The following NEB variants were observed in gnomAD, a reference collection of about 807,000 sequenced individuals.
NEB encodes the protein nebulin, also known as nemaline myopathy type 2.
Under a neutral mutation model 952.2 loss-of-function variants are expected in NEB, and 512 were observed. That is an observed-to-expected ratio of 0.54 (90% CI 0.50 to 0.58). NEB has a LOEUF of 0.58. Among genes scored for constraint, NEB ranks in the 20% least tolerant of loss-of-function variants. The pLI, the probability that NEB is intolerant of heterozygous loss-of-function variation, is 0.00. For missense variants in NEB, 8,428 were observed against 9,231.1 expected, an observed-to-expected ratio of 0.91 and a Z score of 3.56; for synonymous variants, 2,900 against 3,149.8, an observed-to-expected ratio of 0.92 and a Z score of 2.66.
intron 146 of NEB, among the ~76,000 whole-genome samples, chr2:151,528,819 A>G (rs2088411797): frequency 6.6e-6 from 1 of 152,202 alleles, no homozygotes; most frequent in Non-Finnish European, 1.5e-5. Flanking sequence ...CAAATGGCTC[A>G]ATGTTTTCTT....
At chr2:151,707,066 A>G in intron 12 of NEB, 69 bp from the exon 13 acceptor site, 1 of 928,418 alleles carries the variant, frequency 1.1e-6, no homozygotes. Flanking sequence ...TATTATGAAT[A>G]TGACATACTT....
intron 165 of NEB, among the ~76,000 whole-genome samples, chr2:151,504,566 C>T (rs1184286903): frequency 6.6e-6 from 1 of 152,168 alleles, no homozygotes; most frequent in Admixed American, 6.5e-5. Flanking sequence ...GAACAACCTG[C>T]AAGAGAAATA....
rs1559717111 is a variant in NEB, at chr2:151,730,615, T to TAA, written c.37-960_37-959insTT. The stretch of plus-strand genomic sequence containing the variant: ...ATGAAACACTTGGCTCATTTCTTAG[T>TAA]GAAAAAAAAAAAAAAAAAAAAAGGA... On this transcript the variant is annotated intron_variant, in intron 3 of 181. Coordinates refer to ENST00000397345, the MANE Select transcript of NEB (RefSeq NM_001164508.2). Among the ~76,000 whole-genome samples the TAA allele has an allele frequency of 9.9e-4, 73 of 73,540 alleles. 4 individuals carry two copies. Among genetic ancestry groups the TAA allele is most frequent in the Admixed American group, 4.6e-3 (25 of 5,490 alleles). The allele number at this position is 73,540 out of a possible 152,430, so 48.2% of individuals were successfully genotyped here. A position where few individuals can be genotyped will look rare whatever the true frequency, so the allele number is the denominator to read the frequency against.
At chr2:151,498,510 G>T (rs2061903414) in intron 169 of NEB, among the ~76,000 whole-genome samples, 158 bp from the exon 170 acceptor site, 1 of 152,138 alleles carries the variant, frequency 6.6e-6, no homozygotes. Context: ...TGAGCCTAAA[G>T]ACATCTTCAA....
At chr2:151,617,635 C>T (rs1182491690) in intron 74 of NEB, 167 bp from the exon 75 acceptor site, 1 of 520,900 alleles carries the variant, frequency 1.9e-6, no homozygotes, top group Non-Finnish European at 3.3e-6. Context: ...AAAATTCTTT[C>T]AATAATCTGT....
At chr2:151,692,521 G>A in intron 20 of NEB, 159 bp from the exon 21 acceptor site, 2 of 691,344 alleles carry the variant, frequency 2.9e-6, no homozygotes, top group Admixed American at 4.2e-5. Context: ...AGATGTGGTA[G>A]AGGCTCATGC....
chr2:151,487,726 C>T (rs756720674), intron 181 of NEB, among the ~76,000 whole-genome samples: 19 of 152,002 alleles, frequency 1.2e-4, no homozygotes, highest in Non-Finnish European at 2.2e-4. Flanking sequence ...AGTTTTAGGT[C>T]AAATGGCATG....
At position 151,492,299 on chromosome 2, in the gene NEB, T is replaced by C. The variant is rs777312993; in HGVS notation, c.24874-18A>G. 1.2e-6 allele frequency: 2 copies of C among 1,605,930 alleles called. No homozygotes were observed. The highest frequency in any genetic ancestry group is 1.7e-6 in the Non-Finnish European group (2 of 1,174,736). ...TATTTCACCTGAAATGTCATGAATT[T>C]GCTTTATGAAAATATGATGGTGTGA... On this transcript the variant is annotated intron_variant, in intron 177 of 181. Coordinates refer to ENST00000397345, the MANE Select transcript of NEB (RefSeq NM_001164508.2).
intron 83 of NEB, 47 bp from the exon 84 acceptor site, chr2:151,606,760 C>T (rs569805031): frequency 2.0e-6 from 1 of 493,642 alleles, no homozygotes; most frequent in Non-Finnish European, 3.6e-6. Flanking sequence ...GAAAAATAAG[C>T]AAATTTACTC....
In NEB at chr2:151,636,219, C is replaced by A; in HGVS notation, c.9102+8G>T. ...GATCACATACTCAGAATGGAATTGA[C>A]AACTCACGTCACTGATGATGTCCCT... On this transcript the variant is annotated splice_region_variant and intron_variant, in intron 64 of 181. Coordinates refer to ENST00000397345, the MANE Select transcript of NEB (RefSeq NM_001164508.2). 1 of 1,602,184 alleles carries A rather than the reference C, an allele frequency of 6.2e-7. No individual in the cohort carries two copies. Among genetic ancestry groups the A allele is most frequent in the Non-Finnish European group, 8.5e-7 (1 of 1,175,140 alleles).
chr2:151,573,922 T>A (rs1263275823), intron 107 of NEB, among the ~76,000 whole-genome samples: 2 of 152,164 alleles, frequency 1.3e-5, no homozygotes, highest in East Asian at 1.9e-4. Flanking sequence ...CAAATAATGA[T>A]AATTTGGCCT....
Position 151,671,062 on chromosome 2 carries a change from G to T in NEB, c.4467C>A (p.Gly1489=). 1 of 1,613,938 alleles carries T rather than the reference G, an allele frequency of 6.2e-7. No homozygotes were observed. The highest frequency in any genetic ancestry group is 8.5e-7 in the Non-Finnish European group (1 of 1,179,862). ...TTGTGTTATGCTGAGCCAACACCAT[G>T]CCCATGGAATCAGGCACACTTGTGA... The part of the protein sequence containing the change: ...VKFTSVPDSM[G]MVLAQHNTKQ... Residue 1489 remains glycine (G), a synonymous_variant, in exon 38 of 182, where the codon GGC becomes GGA. Transcript: ENST00000397345.
In NEB at chr2:151,516,581, T is replaced by C. The variant is rs540306408; in HGVS notation, c.22801-18A>G. 5.9e-5 allele frequency: 89 copies of C among 1,497,408 alleles called. 1 individual carries two copies. In the South Asian group the frequency reaches 8.0e-4, roughly 14 times the overall value. The allele number at this position is 1,497,408 out of a possible 1,614,324, so 92.8% of individuals were successfully genotyped here. A position where few individuals can be genotyped will look rare whatever the true frequency, so the allele number is the denominator to read the frequency against. ...TATTTCACCTGGTGATAGAAAGCCA[T>C]GTTAGATATCTCTCCTCTGGTCAAT... On this transcript the variant is annotated intron_variant, in intron 156 of 181. Coordinates refer to ENST00000397345, the MANE Select transcript of NEB (RefSeq NM_001164508.2).
At chr2:151,501,784 T>TTAA (rs2064783369) in intron 167 of NEB, among the ~76,000 whole-genome samples, 1 of 152,058 alleles carries the variant, frequency 6.6e-6, no homozygotes, top group South Asian at 2.1e-4. Flanking sequence ...CTAATTGAAA[T>TTAA]TAATATCCAT....
Position 151,567,837 on chromosome 2 carries a change from T to C in NEB, c.17844+234A>G, listed in dbSNP as rs566249311. Reference sequence around the variant, plus strand: ...AAGAAAAAGTAAAGAATTTGAACAATTGCTTTTAAAAAAGCCAAGGGGGGT... The same window carrying C: ...AAGAAAAAGTAAAGAATTTGAACAACTGCTTTTAAAAAAGCCAAGGGGGGT... On this transcript the variant is annotated intron_variant, in intron 113 of 181. Transcript: ENST00000397345. Among the ~76,000 whole-genome samples the C allele has an allele frequency of 6.6e-5, 10 of 152,224 alleles. No individual in the cohort carries two copies. In the East Asian group the frequency reaches 1.7e-3, roughly 26 times the overall value.
At position 151,609,968 on chromosome 2, in the gene NEB, C is replaced by A. The variant is rs747847680; in HGVS notation, c.12171G>T (p.Lys4057Asn). The change falls in exon 81 of 182, where the codon AAG becomes AAT. Residue 4057 changes from lysine to asparagine, a missense_variant. Transcript: ENST00000397345. ...TTAACATGTCCACTGGGCTAGAGAA[C>A]TTGGTTTTCCACTTTTGGAATTCCT... The part of the protein sequence containing the change: ...YKKEFQKWKT[K>N]FSSPVDMLSI... The A allele has an allele frequency of 2.5e-6, 4 of 1,613,874 alleles. No individual in the cohort carries two copies. The highest frequency in any genetic ancestry group is 1.3e-5 in the African/African-American group (1 of 74,940).
In NEB at chr2:151,627,118, C is replaced by T. The variant is rs727504034; in HGVS notation, c.10231G>A (p.Ala3411Thr). The change falls in exon 70 of 182, where the codon GCT becomes ACT. Residue 3411 changes from alanine to threonine, a missense_variant. By Grantham distance (58) the Ala-to-Thr change is moderately conservative. This residue lies in a region of NEB where 1,772 missense variants were observed against 1,960.3 expected (regional missense o/e 0.90). Transcript: ENST00000397345. ...SMDVVKCKRA[A>T]EILSDNIYRQ... ...TAGATGTTATCACTCAGTATTTCAG[C>T]AGCTCTCTTGCACTTGACCACATCC... 156 of 1,613,828 alleles carry T rather than the reference C, an allele frequency of 9.7e-5. No individual in the cohort carries two copies. Among genetic ancestry groups the T allele is most frequent in the Middle Eastern group, 1.6e-4 (1 of 6,084 alleles).
Position 151,503,395 on chromosome 2 carries a change from G to T in NEB, c.23789C>A (p.Thr7930Asn), listed in dbSNP as rs760905651. Reference protein sequence around the residue: ...NLGTGIPTTVTPEIERVKRNQ... With the variant: ...NLGTGIPTTVNPEIERVKRNQ... ...GCGTTTGACTCTCTCAATCTCTGGAGTCACAGTGGTTGGAATGCCTGTTCC... is the reference window on the plus strand; with the variant it reads ...GCGTTTGACTCTCTCAATCTCTGGATTCACAGTGGTTGGAATGCCTGTTCC... The change falls in exon 166 of 182, where the codon ACT (threonine) becomes AAT (asparagine). Residue 7930 changes from threonine (T) to asparagine (N), a missense_variant. Thr to Asn is a moderately conservative substitution (Grantham distance 65). This residue lies in a region of NEB where 3,374 missense variants were observed against 3,651.5 expected (regional missense o/e 0.92). Coordinates refer to ENST00000397345, the MANE Select transcript of NEB (RefSeq NM_001164508.2). 19 of 1,612,766 alleles carry T rather than the reference G, an allele frequency of 1.2e-5. No homozygotes were observed. The highest frequency in any genetic ancestry group is 8.3e-5 in the Admixed American group (5 of 59,974).
chr2:151,565,769 G>A lies in NEB; in HGVS notation c.18208C>T (p.Leu6070=). 1 of 1,612,568 alleles carries A rather than the reference G, an allele frequency of 6.2e-7. No homozygotes were observed. The highest frequency in any genetic ancestry group is 1.1e-5 in the South Asian group (1 of 90,784). The change falls in exon 115 of 182, where the codon CTG becomes TTG. Residue 6070 remains leucine, a synonymous_variant. Coordinates refer to ENST00000397345, the MANE Select transcript of NEB (RefSeq NM_001164508.2). ...ACCCTTACATGGTCCACAGAATCCA[G>A]TGGGATCCAGCCAATGCCTCGGAGC... ...EWLRGIGWIP[L]DSVDHVRVTK...
Sources: allele counts gnomAD v4.1 joint callset (sites outside exome capture counted in the v4.1 genomes callset), GRCh38; gene constraint gnomAD v4.1.1; regional missense constraint gnomAD v4.1.1; transcripts MANE v1.5; gene names NCBI Gene and HGNC (gene_info 2026-07-23, HGNC 2026-07-21).